Variants in NNT observed in about 807,000 individuals in gnomAD.
The protein encoded by NNT is NAD(P) transhydrogenase, mitochondrial.
In NNT, 50 loss-of-function variants were observed where a neutral mutation model predicts 104.8. The observed-to-expected ratio is 0.48, with a 90% CI of 0.38 to 0.60. The LOEUF is 0.60. Among genes scored for constraint, NNT ranks in the 20% least tolerant of loss-of-function variants. NNT has a pLI of 0.00. For synonymous variants in NNT, 461 were observed against 490.4 expected (o/e 0.94, Z 0.79); for missense variants, 1,131 against 1,330.7 (o/e 0.85, Z 2.33).
Position 43,695,099 on chromosome 5 carries a change from A to G in NNT, c.2877-5020A>G, listed in dbSNP as rs75205849. Among the ~76,000 whole-genome samples, 62 of 152,316 alleles carry G rather than the reference A, an allele frequency of 4.1e-4. 2 individuals are homozygous for G. In the East Asian group the frequency reaches 0.011, roughly 26 times the overall value. ...GTTTGTGTGTATAGAGGTATTTGAT[A>G]AAAAAGAATATCTGTCATTTGATGT... On this transcript the variant is annotated intron_variant, in intron 19 of 21. Coordinates refer to ENST00000344920, the MANE Select transcript of NNT (RefSeq NM_182977.3).
At chr5:43,616,914 A>G (rs1256616259) in intron 4 of NNT, among the ~76,000 whole-genome samples, 7 of 152,194 alleles carry the variant, frequency 4.6e-5, no homozygotes, top group African/African-American at 1.7e-4. Context: ...AGAATTTGCT[A>G]ATATTAATGA....
chr5:43,666,873 C>G, intron 17 of NNT: 1 of 1,525,712 alleles, frequency 6.6e-7, no homozygotes, highest in Non-Finnish European at 9.0e-7. Context: ...TGGCCTTTGG[C>G]CAGCACAGCC....
At chr5:43,643,000 C>A (rs1392148436) in intron 7 of NNT, among the ~76,000 whole-genome samples, 1 of 152,218 alleles carries the variant, frequency 6.6e-6, no homozygotes, top group Non-Finnish European at 1.5e-5. Flanking sequence ...AAATAGCTCA[C>A]TGCATCCTCG....
intron 9 of NNT, 129 bp from the exon 10 acceptor site, chr5:43,645,228 A>C (rs940316804): frequency 2.2e-6 from 1 of 456,004 alleles, no homozygotes; most frequent in African/African-American, 2.1e-5. Context: ...GTTACAAATT[A>C]TATGAATTTA....
chr5:43,700,990 T>G (rs1580138440), intron 20 of NNT, among the ~76,000 whole-genome samples: 1 of 152,248 alleles, frequency 6.6e-6, no homozygotes, highest in African/African-American at 2.4e-5. Context: ...ATGTCCCTTT[T>G]CAGATTCCAC....
At chr5:43,678,237 A>G (rs965258243) in intron 19 of NNT, among the ~76,000 whole-genome samples, 4 of 152,160 alleles carry the variant, frequency 2.6e-5, no homozygotes, top group African/African-American at 9.7e-5. Flanking sequence ...GGTAGAAGAA[A>G]ATCTGTGGAT....
chr5:43,628,509 T>A, intron 7 of NNT, 122 bp downstream of exon 7: 7 of 648,950 alleles, frequency 1.1e-5, no homozygotes, highest in Non-Finnish European at 1.7e-5. Context: ...TACTTTCTAT[T>A]ATAAAAGTAC....
intron 7 of NNT, among the ~76,000 whole-genome samples, chr5:43,628,641 C>T (rs761299693): frequency 3.3e-5 from 5 of 151,930 alleles, no homozygotes; most frequent in Non-Finnish European, 7.4e-5. Flanking sequence ...GGCTGGAGTG[C>T]GGTGGCATGG....
At position 43,677,821 on chromosome 5, in the gene NNT, T is replaced by C. The variant is rs1741501185; in HGVS notation, c.2876+15T>C. ...AAAAAAGTCAGGTAAGCGTTTGCAG[T>C]GGAGAGGCTTGCACTATGTGTAAAG... On this transcript the variant is annotated intron_variant, in intron 19 of 21. Transcript: ENST00000344920. 2 of 1,594,210 alleles carry C rather than the reference T, an allele frequency of 1.3e-6. No individual in the cohort carries two copies. Among genetic ancestry groups the C allele is most frequent in the East Asian group, 4.5e-5 (2 of 44,784 alleles).
chr5:43,628,542 C>CA (rs1750494779), intron 7 of NNT, among the ~76,000 whole-genome samples, 155 bp downstream of exon 7: 1 of 151,894 alleles, frequency 6.6e-6, no homozygotes, highest in Non-Finnish European at 1.5e-5. Context: ...AAATATATGA[C>CA]AAAATTCATA....
chr5:43,667,645 AT>A, intron 17 of NNT, among the ~76,000 whole-genome samples: 1 of 152,136 alleles, frequency 6.6e-6, no homozygotes, highest in South Asian at 2.1e-4. Flanking sequence ...TATGTGCCAC[AT>A]TTTCTTAATC....
chr5:43,667,106 T>A (rs1740745404), intron 17 of NNT: 2 of 1,545,212 alleles, frequency 1.3e-6, no homozygotes, highest in South Asian at 1.1e-5. Context: ...GCAAAGTGCA[T>A]GTTCCTCAGG....
chr5:43,612,178 A>G lies in NNT; in HGVS notation c.152-730A>G, dbSNP rs148670450. On this transcript the variant is annotated intron_variant, in intron 2 of 21. Coordinates refer to ENST00000344920, the MANE Select transcript of NNT (RefSeq NM_182977.3). ...TTACAAATAATATTTGCACTGATCT[A>G]CTCTCCTTGTCCCTCTCTGTGGGTC... is the stretch of plus-strand genomic sequence containing the variant. Among the ~76,000 whole-genome samples the G allele has an allele frequency of 2.8e-3, 431 of 151,346 alleles. 3 individuals carry two copies. The highest frequency in any genetic ancestry group is 8.3e-3 in the Admixed American group (127 of 15,236).
Position 43,644,300 on chromosome 5 carries a change from A to T in NNT, c.1073A>T (p.Lys358Met), listed in dbSNP as rs1751388021. ...GCTGGTGGAAACTTTGAAACCACTA[A>T]GCCAGGAGAACTCTACATTCATAAG... ...AEAGGNFETT[K>M]PGELYIHKGI... Residue 358 changes from lysine (K) to methionine (M), a missense_variant, in exon 8 of 22, where the codon AAG becomes ATG. By Grantham distance (95) the Lys-to-Met change is moderately conservative (BLOSUM62 -1). Transcript: ENST00000344920. 6.2e-7 allele frequency: 1 copy of T among 1,613,778 alleles called. No homozygotes were observed. Among genetic ancestry groups the T allele is most frequent in the Non-Finnish European group, 8.5e-7 (1 of 1,179,978 alleles).
intron 19 of NNT, among the ~76,000 whole-genome samples, chr5:43,697,132 C>G (rs1742598017): frequency 6.6e-6 from 1 of 152,160 alleles, no homozygotes; most frequent in African/African-American, 2.4e-5. Context: ...GCTCTGTTTT[C>G]TTTCTAAAAC....
chr5:43,693,445 A>G (rs1742393575), intron 19 of NNT, among the ~76,000 whole-genome samples: 1 of 152,214 alleles, frequency 6.6e-6, no homozygotes, highest in Non-Finnish European at 1.5e-5. Context: ...CTGCTGTAAA[A>G]TATTACATTT....
chr5:43,691,507 G>T (rs1349149867), intron 19 of NNT, among the ~76,000 whole-genome samples: 1 of 152,120 alleles, frequency 6.6e-6, no homozygotes, highest in East Asian at 1.9e-4. Flanking sequence ...GCTAAATCTA[G>T]TTATTTAGTT....
At chr5:43,690,141 C>T (rs1742190745) in intron 19 of NNT, among the ~76,000 whole-genome samples, 1 of 152,122 alleles carries the variant, frequency 6.6e-6, no homozygotes, top group African/African-American at 2.4e-5. Flanking sequence ...GAGATCGACA[C>T]ATCCAAATAA....
chr5:43,698,308 G>T lies in NNT; in HGVS notation c.2877-1811G>T, dbSNP rs562090531. On this transcript the variant is annotated intron_variant, in intron 19 of 21. Coordinates refer to ENST00000344920, the MANE Select transcript of NNT (RefSeq NM_182977.3). The stretch of plus-strand genomic sequence containing the variant: ...AAATCAATTCCCAGCTGGGGCCATT[G>T]TCTCTGTGGGGTCTGCACATTCTTA... Among the ~76,000 whole-genome samples, 6 of 151,988 alleles carry T rather than the reference G, an allele frequency of 3.9e-5. No individual in the cohort carries two copies. The East Asian group carries it at 1.2e-3, about 29-fold the overall frequency.
Sources: gnomAD v4.1 joint callset for allele counts (sites outside exome capture counted in the v4.1 genomes callset) on GRCh38, gnomAD v4.1.1 for gene constraint, MANE v1.5 for transcripts, NCBI Gene and HGNC (gene_info 2026-07-23, HGNC 2026-07-21) for gene names.